Variants in ZNF587 observed in about 807,000 individuals in gnomAD.
ZNF587 encodes zinc finger protein 587.
ZNF587 carries 8 observed loss-of-function variants against 7.5 expected under a neutral mutation model. The ratio of observed to expected loss-of-function variants is 1.06; its 90% confidence interval spans 0.62 to 1.92. The LOEUF is 1.92. Ranked by LOEUF, ZNF587 falls within the 40% of genes most tolerant of loss-of-function variation. The pLI is 0.00. For missense variants in ZNF587, 468 were observed against 692.8 expected (o/e 0.68, Z 3.64); for synonymous variants, 145 against 237.8 (o/e 0.61, Z 3.59).
chr19:57,849,984 T>C lies in ZNF587; in HGVS notation c.-55T>C. ...CGTCCTCGGTGCCCAGAGGCGGCTC[T>C]GCAGCCCCGTGACGGCGACCACTGC... On this transcript the variant is annotated 5_prime_UTR_variant, in exon 1 of 3. Coordinates refer to ENST00000339656, the MANE Select transcript of ZNF587 (RefSeq NM_032828.4). The C allele has an allele frequency of 6.2e-7, 1 of 1,613,846 alleles. No individual in the cohort carries two copies. The highest frequency in any genetic ancestry group is 8.5e-7 in the Non-Finnish European group (1 of 1,179,990).
chr19:57,859,956 C>T lies in ZNF587; in HGVS notation c.1544C>T (p.Ser515Phe). 6.2e-7 allele frequency: 1 copy of T among 1,614,036 alleles called. No individual in the cohort carries two copies. The highest frequency in any genetic ancestry group is 1.3e-5 in the African/African-American group (1 of 74,988). The change falls in exon 3 of 3, where the codon TCT becomes TTT. Residue 515 changes from serine to phenylalanine, a missense_variant. By Grantham distance (155) the Ser-to-Phe change is radical. Around this residue, in one of 5 missense-constraint regions of ZNF587, gnomAD observed 310 missense variants for 325.6 expected, o/e 0.95. Coordinates refer to ENST00000339656, the MANE Select transcript of ZNF587 (RefSeq NM_032828.4). ...SALHVHKRVH[S>F]GQKPYKCSEC... ...CTTCATGTTCATAAAAGAGTTCATT[C>T]TGGACAAAAGCCTTATAAGTGCAGT...
At position 57,850,125 on chromosome 19, in the gene ZNF587, A is replaced by C; in HGVS notation, c.33+54A>C. 15 of 1,614,106 alleles carry C rather than the reference A, an allele frequency of 9.3e-6. No individual in the cohort carries two copies. In the South Asian group the frequency reaches 1.5e-4, roughly 17 times the overall value. On this transcript the variant is annotated intron_variant, in intron 1 of 2. Transcript: ENST00000339656. ...GTCACCCCATCGTCACCCAGGTCCT[A>C]AACCAGCGAGGGAGCGGCTCCTGCT...
rs528647047 is a variant in ZNF587 at position 57,863,463 on chromosome 19, A to T, written c.*3323A>T. ...ACGGGGTTTTACTGTATTTGCCAGGATGGTCTCGATCTCCAGACCTCGTGA... is the reference window on the plus strand; with the variant it reads ...ACGGGGTTTTACTGTATTTGCCAGGTTGGTCTCGATCTCCAGACCTCGTGA... On this transcript the variant is annotated 3_prime_UTR_variant, in exon 3 of 3. Transcript: ENST00000339656. 1.3e-5 allele frequency: 2 copies of T among 151,818 alleles called. No individual in the cohort carries two copies. Among genetic ancestry groups the T allele is most frequent in the Admixed American group, 6.6e-5 (1 of 15,212 alleles). The allele number at this position is 151,818 out of a possible 1,614,324, so 9.4% of individuals were successfully genotyped here.
At chr19:57,855,565 GTT>G (rs750033909) in intron 1 of ZNF587, among the ~76,000 whole-genome samples, 2 of 137,348 alleles carry the variant, frequency 1.5e-5, no homozygotes, top group Admixed American at 7.3e-5. Flanking sequence ...GGCTTTTTTT[GTT>G]TTTTTTTTTT....
rs1434207533 is a variant in ZNF587 at position 57,861,322 on chromosome 19, G to C, written c.*1182G>C. 2 of 151,988 alleles carry C rather than the reference G, an allele frequency of 1.3e-5. No individual in the cohort carries two copies. The highest frequency in any genetic ancestry group is 4.8e-5 in the African/African-American group (2 of 41,382). 9.4% of individuals were successfully genotyped at this position (151,988 alleles called of 1,614,324 possible). A position where few individuals can be genotyped will look rare whatever the true frequency, so the allele number is the denominator to read the frequency against. On this transcript the variant is annotated 3_prime_UTR_variant, in exon 3 of 3. Transcript: ENST00000339656. ...AGTGGTTATAACTTTTGAGTCAGTGGTTTATGTTTTGCATTTTTTTTGTTT... is the reference window on the plus strand; with the variant it reads ...AGTGGTTATAACTTTTGAGTCAGTGCTTTATGTTTTGCATTTTTTTTGTTT...
chr19:57,864,942 ATTCT>A lies in ZNF587; in HGVS notation c.*4805_*4808del, dbSNP rs1179305726. 5.9e-5 allele frequency: 9 copies of A among 152,316 alleles called. No homozygotes were observed. The highest frequency in any genetic ancestry group is 4.6e-4 in the Admixed American group (7 of 15,294). 9.4% of individuals were successfully genotyped at this position (152,316 alleles called of 1,614,324 possible). ...ATCCTGCCTCAAAAAAAACAAAAAA[ATTCT>A]TTATTTTCTCCATAAACTACAGTTT... On this transcript the variant is annotated 3_prime_UTR_variant, in exon 3 of 3. Coordinates refer to ENST00000339656, the MANE Select transcript of ZNF587 (RefSeq NM_032828.4).
intron 1 of ZNF587, among the ~76,000 whole-genome samples, chr19:57,854,598 T>C (rs1401941770): frequency 6.6e-6 from 1 of 151,598 alleles, no homozygotes; most frequent in Non-Finnish European, 1.5e-5. Flanking sequence ...AACAGCCCGT[T>C]TTATCAAGGT....
chr19:57,855,668 T>G (rs779087863), intron 1 of ZNF587, among the ~76,000 whole-genome samples: 2 of 151,614 alleles, frequency 1.3e-5, no homozygotes, highest in Non-Finnish European at 1.5e-5. Flanking sequence ...TTCACGCCAT[T>G]CTCCGGCCTC....
In ZNF587 at chr19:57,860,173, C is replaced by T; in HGVS notation, c.*33C>T. On this transcript the variant is annotated 3_prime_UTR_variant, in exon 3 of 3. Transcript: ENST00000339656. ...GAATATGGGAAATCGTTTGCTGAAG[C>T]ATCCCGTCTCGTTAAACACAGGAGA... 1 of 1,613,916 alleles carries T rather than the reference C, an allele frequency of 6.2e-7. No homozygotes were observed. The highest frequency in any genetic ancestry group is 1.3e-5 in the African/African-American group (1 of 75,014).
At position 57,860,675 on chromosome 19, in the gene ZNF587, G is replaced by A. The variant is rs1045339324; in HGVS notation, c.*535G>A. 1 of 159,596 alleles carries A rather than the reference G, an allele frequency of 6.3e-6. No homozygotes were observed. The highest frequency in any genetic ancestry group is 2.4e-5 in the African/African-American group (1 of 41,472). The allele number at this position is 159,596 out of a possible 1,614,324, so 9.9% of individuals were successfully genotyped here. A position where few individuals can be genotyped will look rare whatever the true frequency, so the allele number is the denominator to read the frequency against. ...GACAAGGTGGTTCATTGGAGGCCAG[G>A]AGTTAGAGATCAGCCTGGGCAACAT... On this transcript the variant is annotated 3_prime_UTR_variant, in exon 3 of 3. Coordinates refer to ENST00000339656, the MANE Select transcript of ZNF587 (RefSeq NM_032828.4).
At chr19:57,850,553 G>T (rs781553744) in intron 1 of ZNF587, 63 of 420,994 alleles carry the variant, frequency 1.5e-4, no homozygotes, top group Admixed American at 3.7e-4. Context: ...GATCCATCCA[G>T]TGCAGGATCT....
At chr19:57,852,800 T>A (rs2122309381) in intron 1 of ZNF587, among the ~76,000 whole-genome samples, 1 of 150,146 alleles carries the variant, frequency 6.7e-6, no homozygotes, top group Admixed American at 6.7e-5. Context: ...AGTGCTGGGA[T>A]TATAGGCATG....
In ZNF587 at chr19:57,864,145, T is replaced by TC. The variant is rs1292757515; in HGVS notation, c.*4005_*4006insC. ...ATCCCTAAATTTTTTTTTTTTTTTT[T>TC]TTTTTTGAGACAGAGTCTCACTCTG... On this transcript the variant is annotated 3_prime_UTR_variant, in exon 3 of 3. Transcript: ENST00000339656. 2 of 142,552 alleles carry TC rather than the reference T, an allele frequency of 1.4e-5. No homozygotes were observed. The highest frequency in any genetic ancestry group is 4.0e-4 in the East Asian group (2 of 4,950). 8.8% of individuals were successfully genotyped at this position (142,552 alleles called of 1,614,324 possible). A position where few individuals can be genotyped will look rare whatever the true frequency, so the allele number is the denominator to read the frequency against.
chr19:57,856,382 G>A (rs1299386800), intron 2 of ZNF587, 149 bp downstream of exon 2: 30 of 1,333,260 alleles, frequency 2.3e-5, no homozygotes, highest in Non-Finnish European at 2.8e-5. Flanking sequence ...GTAGGAGTAA[G>A]GTGTGTGTAT....
rs563230480 is a variant in ZNF587 at position 57,849,989 on chromosome 19, C to G, written c.-50C>G. The G allele has an allele frequency of 2.5e-6, 4 of 1,613,926 alleles. No individual in the cohort carries two copies. The African/African-American group carries it at 4.0e-5, about 16-fold the overall frequency. Reference sequence around the variant, plus strand: ...TCGGTGCCCAGAGGCGGCTCTGCAGCCCCGTGACGGCGACCACTGCTCCCG... The same window carrying G: ...TCGGTGCCCAGAGGCGGCTCTGCAGGCCCGTGACGGCGACCACTGCTCCCG... On this transcript the variant is annotated 5_prime_UTR_variant, in exon 1 of 3. Transcript: ENST00000339656.
chr19:57,861,507 T>A lies in ZNF587; in HGVS notation c.*1367T>A, dbSNP rs1312354714. ...CACCACAACTGGATAACTTTTGTAT[T>A]TTCTGTAGAGAGGGTTTTACCTTTT... On this transcript the variant is annotated 3_prime_UTR_variant, in exon 3 of 3. Coordinates refer to ENST00000339656, the MANE Select transcript of ZNF587 (RefSeq NM_032828.4). The A allele has an allele frequency of 6.6e-6, 1 of 152,058 alleles. No homozygotes were observed. Among genetic ancestry groups the A allele is most frequent in the Non-Finnish European group, 1.5e-5 (1 of 68,024 alleles). The allele number at this position is 152,058 out of a possible 1,614,324, so 9.4% of individuals were successfully genotyped here. A position where few individuals can be genotyped will look rare whatever the true frequency, so the allele number is the denominator to read the frequency against.
Position 57,861,789 on chromosome 19 carries a change from T to TTTTTTTTTTTCTTC in ZNF587, c.*1649_*1650insTTTTTTTTTTCTTC, listed in dbSNP as rs1555775628. 2 of 147,982 alleles carry TTTTTTTTTTTCTTC rather than the reference T, an allele frequency of 1.4e-5. No homozygotes were observed. The highest frequency in any genetic ancestry group is 5.2e-5 in the African/African-American group (2 of 38,258). 9.2% of individuals were successfully genotyped at this position (147,982 alleles called of 1,614,324 possible). The stretch of plus-strand genomic sequence containing the variant: ...TTTGGTTTTCTTTTTTTTTTTTTTT[T>TTTTTTTTTTTCTTC]CCAGATGGAGTCTAGCTCTGTCTCC... On this transcript the variant is annotated 3_prime_UTR_variant, in exon 3 of 3. Transcript: ENST00000339656.
intron 2 of ZNF587, 85 bp from the exon 3 acceptor site, chr19:57,858,491 C>T: frequency 3.3e-6 from 5 of 1,524,764 alleles, no homozygotes; most frequent in Non-Finnish European, 4.4e-6. Flanking sequence ...AGATTAATTC[C>T]TCAATTTGTG....
rs767046408 is a variant in ZNF587 at position 57,859,875 on chromosome 19, G to A, written c.1463G>A (p.Gly488Glu). 4 of 1,614,224 alleles carry A rather than the reference G, an allele frequency of 2.5e-6. No homozygotes were observed. The highest frequency in any genetic ancestry group is 3.4e-6 in the Non-Finnish European group (4 of 1,180,036). The change falls in exon 3 of 3, where the codon GGA becomes GAA. Residue 488 changes from glycine (G) to glutamate (E), a missense_variant. This residue lies in a region of ZNF587 where 310 missense variants were observed against 325.6 expected (regional missense o/e 0.95). Transcript: ENST00000339656. The part of the protein sequence containing the change: ...SVTIHQRIHT[G>E]ERPYECSECG... ...ACTATACATCAGAGGATTCACACTG[G>A]AGAAAGGCCGTATGAATGCAGTGAA...
Sources: gnomAD v4.1 joint callset for allele counts (sites outside exome capture counted in the v4.1 genomes callset) on GRCh38, gnomAD v4.1.1 for gene constraint, gnomAD v4.1.1 regional missense constraint, MANE v1.5 for transcripts, NCBI Gene and HGNC (gene_info 2026-07-23, HGNC 2026-07-21) for gene names.